The following SIRPG variants were observed in gnomAD, a reference collection of about 807,000 sequenced individuals.
The protein encoded by SIRPG is signal regulatory protein gamma.
Under a neutral mutation model 35.7 loss-of-function variants are expected in SIRPG, and 38 were observed. The ratio of observed to expected loss-of-function variants is 1.06; its 90% CI spans 0.82 to 1.40. The LOEUF is 1.40. Ranked by LOEUF, SIRPG falls within the 40% of genes most tolerant of loss-of-function variation. SIRPG has a pLI of 0.00. For synonymous variants in SIRPG, 215 were observed against 190.4 expected, an observed-to-expected ratio of 1.13 and a Z score of -1.06; for missense variants, 519 against 483.0, an observed-to-expected ratio of 1.07 and a Z score of -0.70.
intron 1 of SIRPG, among the ~76,000 whole-genome samples, chr20:1,650,000 G>GTATATATATATATATATATATATATA (rs1491226682): frequency 3.5e-5 from 3 of 85,412 alleles, no homozygotes; most frequent in African/African-American, 1.4e-4. Flanking sequence ...CTACTTTGAA[G>GTATATATATATATATATATATATATA]TGTGTATATA....
Position 1,635,517 on chromosome 20 carries a change from G to A in SIRPG, c.831C>T (p.Tyr277=). 1 of 1,614,136 alleles carries A rather than the reference G, an allele frequency of 6.2e-7. No individual in the cohort carries two copies. The highest frequency in any genetic ancestry group is 8.5e-7 in the Non-Finnish European group (1 of 1,180,002). Residue 277 remains tyrosine (Y), a synonymous_variant, in exon 4 of 6, where the codon TAC becomes TAT. Transcript: ENST00000303415. Reference sequence around the variant, plus strand: ...ACCAGGTCAGCTGTAGGCTCTGGGGGTAGAACTTCCTCACCTGGCAGGTGA... The same window carrying A: ...ACCAGGTCAGCTGTAGGCTCTGGGGATAGAACTTCCTCACCTGGCAGGTGA... The part of the protein sequence containing the change: ...VNVTCQVRKF[Y]PQSLQLTWSE...
At chr20:1,685,381 G>T in the SIRPG span, among the ~76,000 whole-genome samples, 1 of 152,034 alleles carries the variant, frequency 6.6e-6, no homozygotes, top group Non-Finnish European at 1.5e-5. Context: ...TCATTGGGGG[G>T]GTCTTAATCT....
chr20:1,657,499 C>T, intron 1 of SIRPG, 143 bp downstream of exon 1: 1 of 807,048 alleles, frequency 1.2e-6, no homozygotes, highest in South Asian at 1.6e-5. Flanking sequence ...GTGCTCAGCT[C>T]CCTGATCTTC....
the SIRPG span, among the ~76,000 whole-genome samples, chr20:1,683,905 G>A: frequency 2.0e-5 from 3 of 150,900 alleles, no homozygotes; most frequent in Non-Finnish European, 4.4e-5. Flanking sequence ...GGTGGTGGAG[G>A]CTGCAGTGAG....
At chr20:1,657,426 A>T (rs1004765591) in intron 1 of SIRPG, among the ~76,000 whole-genome samples, 1 of 152,178 alleles carries the variant, frequency 6.6e-6, no homozygotes, top group Non-Finnish European at 1.5e-5. Flanking sequence ...ACTAATTGTG[A>T]TGGTGGCAGA....
chr20:1,680,987 T>C, the SIRPG span, among the ~76,000 whole-genome samples: 1 of 152,248 alleles, frequency 6.6e-6, no homozygotes, highest in Admixed American at 6.5e-5. Context: ...ACCCAACATT[T>C]CTATGTCAGG....
chr20:1,634,237 C>T lies in SIRPG; in HGVS notation c.1081+1030G>A, dbSNP rs1482406224. 8.8e-5 allele frequency among the ~76,000 whole-genome samples: 13 copies of T among 147,516 alleles called. No individual in the cohort carries two copies. In the East Asian group the frequency reaches 1.2e-3, roughly 14 times the overall value. Reference sequence around the variant, plus strand: ...TTTTTTTTTTTTTTTGACAGAGTCTCGCTCTGTCGCCCAGGCTGGAGTGCA... The same window carrying T: ...TTTTTTTTTTTTTTTGACAGAGTCTTGCTCTGTCGCCCAGGCTGGAGTGCA... On this transcript the variant is annotated intron_variant, in intron 4 of 5. Coordinates refer to ENST00000303415, the MANE Select transcript of SIRPG (RefSeq NM_018556.4).
chr20:1,654,691 A>C (rs1211568519), intron 1 of SIRPG, among the ~76,000 whole-genome samples: 1 of 152,248 alleles, frequency 6.6e-6, no homozygotes, highest in Non-Finnish European at 1.5e-5. Context: ...AGGCATTAAC[A>C]ACAAACTAAA....
At chr20:1,664,577 G>A in the SIRPG span, among the ~76,000 whole-genome samples, 10 of 152,176 alleles carry the variant, frequency 6.6e-5, no homozygotes, top group East Asian at 1.9e-3. Context: ...CCCCTGCTCA[G>A]GACCATGTGT....
the SIRPG span, among the ~76,000 whole-genome samples, chr20:1,668,917 T>C: frequency 6.6e-6 from 1 of 152,126 alleles, no homozygotes; most frequent in Non-Finnish European, 1.5e-5. Context: ...ATCTTCACTC[T>C]TCCAGCAGGC....
Position 1,650,780 on chromosome 20 carries a change from A to G in SIRPG, c.74-1372T>C, listed in dbSNP as rs116236872. Among the ~76,000 whole-genome samples the G allele has an allele frequency of 2.7e-3, 412 of 152,354 alleles. 5 individuals carry two copies. Among genetic ancestry groups the G allele is most frequent in the African/African-American group, 9.5e-3 (393 of 41,574 alleles). On this transcript the variant is annotated intron_variant, in intron 1 of 5. Coordinates refer to ENST00000303415, the MANE Select transcript of SIRPG (RefSeq NM_018556.4). ...ACTGAAGAAATGCAAGTTTAACTCA[A>G]GGATAGAATCTGAGACCCACACTAA...
At chr20:1,666,981 G>A in the SIRPG span, among the ~76,000 whole-genome samples, 3 of 151,584 alleles carry the variant, frequency 2.0e-5, no homozygotes, top group East Asian at 1.9e-4. Flanking sequence ...GCGTGATCGC[G>A]GTTCACCACA....
chr20:1,663,013 TC>T, the SIRPG span, among the ~76,000 whole-genome samples: 567 of 148,960 alleles, frequency 3.8e-3, 1 homozygote, highest in African/African-American at 0.013. Context: ...ATTTGACTTT[TC>T]AAAAAAAAAA....
chr20:1,680,142 C>T, the SIRPG span, among the ~76,000 whole-genome samples: 3 of 152,176 alleles, frequency 2.0e-5, no homozygotes, highest in Non-Finnish European at 4.4e-5. Flanking sequence ...TTGTTAGTGC[C>T]TTCAAACAAA....
chr20:1,630,349 G>C lies in SIRPG; in HGVS notation c.1082-43C>G, dbSNP rs761580749. 1.0e-5 allele frequency: 15 copies of C among 1,490,078 alleles called. No individual in the cohort carries two copies. In the South Asian group the frequency reaches 1.7e-4, roughly 17 times the overall value. The allele number at this position is 1,490,078 out of a possible 1,614,324, so 92.3% of individuals were successfully genotyped here. On this transcript the variant is annotated intron_variant, in intron 4 of 5. Transcript: ENST00000303415. ...CGAGGGGCTATGAGAGAGACCACTTGGGAGGCCATTGTAGGGGCCTCCACT... is the reference window on the plus strand; with the variant it reads ...CGAGGGGCTATGAGAGAGACCACTTCGGAGGCCATTGTAGGGGCCTCCACT...
chr20:1,657,315 AGAG>A, intron 1 of SIRPG, among the ~76,000 whole-genome samples: 1 of 152,332 alleles, frequency 6.6e-6, no homozygotes, highest in African/African-American at 2.4e-5. Context: ...AACTTCTTAA[AGAG>A]GAGGAGGGCA....
At chr20:1,636,553 C>A in intron 2 of SIRPG, 48 bp from the exon 3 acceptor site, 1 of 1,586,450 alleles carries the variant, frequency 6.3e-7, no homozygotes, top group Non-Finnish European at 8.6e-7. Context: ...AGATGACAAT[C>A]ACTAACGATG....
chr20:1,682,623 A>G, the SIRPG span, among the ~76,000 whole-genome samples: 11 of 152,368 alleles, frequency 7.2e-5, no homozygotes, highest in East Asian at 2.1e-3. Flanking sequence ...GGAAAAGTCA[A>G]TCTCTTCAAA....
chr20:1,636,874 G>T (rs546698023), intron 2 of SIRPG, among the ~76,000 whole-genome samples: 1 of 152,292 alleles, frequency 6.6e-6, no homozygotes, highest in South Asian at 2.1e-4. Context: ...ACCTCAGAGA[G>T]GGTGTTTACA....
Sources: allele counts gnomAD v4.1 joint callset (sites outside exome capture counted in the v4.1 genomes callset), GRCh38; gene constraint gnomAD v4.1.1; transcripts MANE v1.5; gene names NCBI Gene and HGNC (gene_info 2026-07-23, HGNC 2026-07-21).